The following EEFSEC variants were observed in gnomAD, a reference collection of about 807,000 sequenced individuals.
EEFSEC encodes the protein selenocysteine-specific elongation factor.
Under a neutral mutation model 42.1 loss-of-function variants are expected in EEFSEC, and 43 were observed. The observed-to-expected ratio is 1.02, with a 90% CI of 0.80 to 1.32. The LOEUF (loss-of-function observed/expected upper bound fraction) is 1.32. Among genes scored for constraint, EEFSEC ranks in the 40% most tolerant of loss-of-function variants. The probability of loss-of-function intolerance (pLI) is 0.00; values close to 1 mark genes in which losing one functional copy is unlikely to be tolerated. For missense variants in EEFSEC, 745 were observed against 803.6 expected (o/e 0.93, Z 0.88); for synonymous variants, 354 against 339.1 (o/e 1.04, Z -0.48).
intron 6 of EEFSEC, among the ~76,000 whole-genome samples, chr3:128,401,072 C>T (rs16844575): frequency 0.022 from 3,370 of 152,250 alleles, 129 homozygotes; most frequent in African/African-American, 0.075. Context: ...AGAGGCCCTA[C>T]TGAATGACAG....
chr3:128,341,318 C>A lies in EEFSEC; in HGVS notation c.872C>A (p.Thr291Asn). The A allele has an allele frequency of 6.2e-7, 1 of 1,614,216 alleles. No individual in the cohort carries two copies. The change falls in exon 5 of 7, where the codon ACC becomes AAC. Residue 291 changes from threonine (T) to asparagine (N), a missense_variant. Coordinates refer to ENST00000254730, the MANE Select transcript of EEFSEC (RefSeq NM_021937.5). ...GGAGACCGGCTGGGCATCTGCGTCACCCAGTTTGACCCTAAGCTGCTGGAG... is the reference window on the plus strand; with the variant it reads ...GGAGACCGGCTGGGCATCTGCGTCAACCAGTTTGACCCTAAGCTGCTGGAG... ...MQGDRLGICV[T>N]QFDPKLLERG...
At chr3:128,222,527 G>A (rs1014338439) in intron 1 of EEFSEC, among the ~76,000 whole-genome samples, 2 of 152,136 alleles carry the variant, frequency 1.3e-5, no homozygotes, top group African/African-American at 4.8e-5. Context: ...TGAACCATGA[G>A]CCTTCTTCTA....
chr3:128,416,065 C>A, the EEFSEC span, among the ~76,000 whole-genome samples: 1 of 152,334 alleles, frequency 6.6e-6, no homozygotes, highest in Non-Finnish European at 1.5e-5. Flanking sequence ...CCAGCCCTGC[C>A]TCCCACCATG....
At chr3:128,324,125 G>C (rs2067038191) in intron 4 of EEFSEC, among the ~76,000 whole-genome samples, 1 of 152,182 alleles carries the variant, frequency 6.6e-6, no homozygotes, top group Non-Finnish European at 1.5e-5. Flanking sequence ...GCTGGGAGTG[G>C]GGTGAATGCT....
At chr3:128,417,368 C>T in the EEFSEC span, among the ~76,000 whole-genome samples, 14 of 152,082 alleles carry the variant, frequency 9.2e-5, no homozygotes, top group Non-Finnish European at 1.6e-4. This position sits in a 1 kb window ranked among gnomAD's most constrained non-coding sequence, Gnocchi z 4.3. Flanking sequence ...CCTGGATGTC[C>T]CAGGTACTCC....
chr3:128,153,695 G>C lies in EEFSEC; in HGVS notation c.188G>C (p.Arg63Pro). 6.3e-7 allele frequency: 1 copy of C among 1,589,012 alleles called. No homozygotes were observed. The change falls in exon 1 of 7, where the codon CGC (arginine) becomes CCC (proline). Residue 63 changes from arginine to proline, a missense_variant. By Grantham distance (103) the Arg-to-Pro change is moderately radical. Coordinates refer to ENST00000254730, the MANE Select transcript of EEFSEC (RefSeq NM_021937.5). ...TGCTTCTCGGTGCCGCTGCCCGCGC[G>C]CCTGCGGTCGTCTTTGCCCGAGTTC... is the stretch of plus-strand genomic sequence containing the variant. Reference protein sequence around the residue: ...FSCFSVPLPARLRSSLPEFQA... With the variant: ...FSCFSVPLPAPLRSSLPEFQA...
the EEFSEC span, among the ~76,000 whole-genome samples, chr3:128,416,266 A>G: frequency 2.0e-5 from 3 of 152,070 alleles, no homozygotes; most frequent in Non-Finnish European, 4.4e-5. Context: ...GGGGCACAAC[A>G]GCCCTCCCCA....
At position 128,379,018 on chromosome 3, in the gene EEFSEC, A is replaced by G. The variant is rs1381478594; in HGVS notation, c.1600+20645A>G. 2.6e-5 allele frequency among the ~76,000 whole-genome samples: 4 copies of G among 152,248 alleles called. 1 individual carries two copies. The highest frequency in any genetic ancestry group is 9.6e-5 in the African/African-American group (4 of 41,470). ...TGAGGGGTGAAAGTTGAGGTTTCAG[A>G]AAATCCCTGTAAAAATGAAAACAAA... On this transcript the variant is annotated intron_variant, in intron 6 of 6. Transcript: ENST00000254730.
At chr3:128,276,714 T>C (rs981134576) in intron 4 of EEFSEC, among the ~76,000 whole-genome samples, 7 of 152,038 alleles carry the variant, frequency 4.6e-5, no homozygotes, top group African/African-American at 1.7e-4. Context: ...CTTCTACCAG[T>C]AGGGGTATGA....
chr3:128,303,107 A>G (rs945243060), intron 4 of EEFSEC, among the ~76,000 whole-genome samples: 1 of 152,050 alleles, frequency 6.6e-6, no homozygotes, highest in African/African-American at 2.4e-5. Context: ...ATTGCTTTGC[A>G]TTTTTTTAAA....
At chr3:128,370,493 A>G (rs1266490390) in intron 6 of EEFSEC, among the ~76,000 whole-genome samples, 1 of 152,180 alleles carries the variant, frequency 6.6e-6, no homozygotes, top group African/African-American at 2.4e-5. Flanking sequence ...GTCTGGCAGC[A>G]GTGAGGCAGA....
intron 6 of EEFSEC, among the ~76,000 whole-genome samples, chr3:128,359,523 T>C (rs947746038): frequency 6.6e-6 from 1 of 152,138 alleles, no homozygotes. Flanking sequence ...TGGGACTCAG[T>C]TGTGTGCCAC....
intron 1 of EEFSEC, among the ~76,000 whole-genome samples, chr3:128,201,423 G>A (rs2065643110): frequency 6.6e-6 from 1 of 151,928 alleles, no homozygotes; most frequent in Non-Finnish European, 1.5e-5. Context: ...ATCCTGTGGT[G>A]GTATCTAATT....
chr3:128,423,803 G>A, the EEFSEC span, among the ~76,000 whole-genome samples: 146 of 152,382 alleles, frequency 9.6e-4, 1 homozygote, highest in African/African-American at 3.4e-3. Context: ...TACACTTTAA[G>A]TGGGGGAACT....
intron 1 of EEFSEC, among the ~76,000 whole-genome samples, chr3:128,206,175 C>G (rs1460507223): frequency 6.6e-6 from 1 of 152,086 alleles, no homozygotes; most frequent in Non-Finnish European, 1.5e-5. Flanking sequence ...TTGTGTGAGG[C>G]ACAATCTGGA....
intron 4 of EEFSEC, among the ~76,000 whole-genome samples, chr3:128,310,397 ACT>A (rs1404536473): frequency 1.3e-5 from 2 of 151,828 alleles, no homozygotes; most frequent in African/African-American, 2.4e-5. Flanking sequence ...GCTTTTACTC[ACT>A]CTCTTAGTTT....
chr3:128,404,312 G>A (rs2068084103), intron 6 of EEFSEC, among the ~76,000 whole-genome samples: 3 of 152,228 alleles, frequency 2.0e-5, no homozygotes, highest in African/African-American at 7.2e-5. Context: ...ACCATCTCAG[G>A]AGAGCAATTA....
intron 4 of EEFSEC, among the ~76,000 whole-genome samples, chr3:128,291,207 A>G (rs1455844900): frequency 6.6e-6 from 1 of 152,020 alleles, no homozygotes; most frequent in Non-Finnish European, 1.5e-5. Context: ...TTTATTTTCC[A>G]ATTATTTACT....
rs1027125577 is a variant in EEFSEC at position 128,330,659 on chromosome 3, G to T, written c.787-10574G>T. On this transcript the variant is annotated intron_variant, in intron 4 of 6. Transcript: ENST00000254730. Reference sequence around the variant, plus strand: ...TGGGGCTCCAGGTAACACTAGCCACGCTGTGTGCAAGGGCCTTACTGACGC... The same window carrying T: ...TGGGGCTCCAGGTAACACTAGCCACTCTGTGTGCAAGGGCCTTACTGACGC... 4.6e-5 allele frequency among the ~76,000 whole-genome samples: 7 copies of T among 152,074 alleles called. No individual in the cohort carries two copies. The East Asian group carries it at 1.3e-3, about 29-fold the overall frequency.
Sources: allele counts gnomAD v4.1 joint callset (sites outside exome capture counted in the v4.1 genomes callset), GRCh38; gene constraint gnomAD v4.1.1; non-coding constraint Gnocchi (gnomAD v3.1); transcripts MANE v1.5; gene names NCBI Gene and HGNC (gene_info 2026-07-23, HGNC 2026-07-21).